The following NELL1 variants were observed in gnomAD, a reference collection of about 807,000 sequenced individuals.
NELL1 encodes the protein protein kinase C-binding protein NELL1.
NELL1 carries 76 observed loss-of-function variants against 107.4 expected under a neutral mutation model. The ratio of observed to expected loss-of-function variants is 0.71; its 90% CI spans 0.59 to 0.86. NELL1 has a LOEUF of 0.86. Ranked by LOEUF, NELL1 falls within the 40% of genes least tolerant of loss-of-function variation. The pLI is 0.00. For synonymous variants in NELL1, 353 were observed against 341.2 expected, an observed-to-expected ratio of 1.03 and a Z score of -0.38; for missense variants, 1,024 against 1,005.5, an observed-to-expected ratio of 1.02 and a Z score of -0.25.
At chr11:21,076,720 C>T (rs1343089975) in intron 12 of NELL1, among the ~76,000 whole-genome samples, 1 of 152,174 alleles carries the variant, frequency 6.6e-6, no homozygotes, top group African/African-American at 2.4e-5. Context: ...GCAGATAGCG[C>T]ATGAATGCCT....
At chr11:21,003,544 C>T (rs1415632722) in intron 12 of NELL1, among the ~76,000 whole-genome samples, 1 of 152,104 alleles carries the variant, frequency 6.6e-6, no homozygotes, top group Admixed American at 6.6e-5. Flanking sequence ...AAAAAAATGT[C>T]TTGCCCATAG....
intron 16 of NELL1, among the ~76,000 whole-genome samples, chr11:21,546,040 G>A (rs1322523457): frequency 1.3e-5 from 2 of 152,004 alleles, no homozygotes; most frequent in Non-Finnish European, 2.9e-5. Flanking sequence ...CTGTATGCAA[G>A]CTTGTGTATA....
chr11:21,076,268 A>G (rs1467092521), intron 12 of NELL1, among the ~76,000 whole-genome samples: 1 of 152,224 alleles, frequency 6.6e-6, no homozygotes, highest in Non-Finnish European at 1.5e-5. Context: ...TTCTAGGTGG[A>G]TGGAGTCAGG....
intron 13 of NELL1, among the ~76,000 whole-genome samples, chr11:21,216,420 T>C (rs1302056390): frequency 6.6e-6 from 1 of 152,118 alleles, no homozygotes; most frequent in Admixed American, 6.5e-5. Context: ...GATCCCAGAA[T>C]GGTAGATCCA....
intron 12 of NELL1, among the ~76,000 whole-genome samples, chr11:20,970,617 T>C (rs1232997658): frequency 6.6e-6 from 1 of 152,176 alleles, no homozygotes; most frequent in Non-Finnish European, 1.5e-5. Flanking sequence ...TAAGATGTTC[T>C]GCAAGAAGAG....
intron 2 of NELL1, among the ~76,000 whole-genome samples, chr11:20,748,448 G>A (rs912563445): frequency 1.9e-4 from 29 of 152,070 alleles, no homozygotes; most frequent in African/African-American, 6.5e-4. Context: ...GTAGTTTTTG[G>A]TTACGTGGAT....
intron 16 of NELL1, among the ~76,000 whole-genome samples, chr11:21,540,081 G>A (rs1270843224): frequency 6.6e-6 from 1 of 151,914 alleles, no homozygotes; most frequent in African/African-American, 2.4e-5. Flanking sequence ...CATATTTATG[G>A]GGTATATGTG....
intron 15 of NELL1, among the ~76,000 whole-genome samples, chr11:21,498,473 GATAC>G (rs1388528848): frequency 1.3e-5 from 2 of 150,568 alleles, no homozygotes; most frequent in African/African-American, 4.9e-5. Context: ...GACACATATT[GATAC>G]ATACATAGTT....
At chr11:21,260,760 A>G (rs1848511748) in intron 14 of NELL1, 1 of 151,916 alleles carries the variant, frequency 6.6e-6, no homozygotes, top group African/African-American at 2.4e-5. Context: ...ACTGAAGAAG[A>G]ATAAATTTTA....
At chr11:21,109,046 A>T (rs1855040964) in intron 12 of NELL1, among the ~76,000 whole-genome samples, 1 of 152,036 alleles carries the variant, frequency 6.6e-6, no homozygotes, top group Non-Finnish European at 1.5e-5. Flanking sequence ...TTGGATCCAG[A>T]CCCAGGTTTC....
chr11:21,008,714 G>A lies in NELL1; in HGVS notation c.1300+48154G>A, dbSNP rs538423415. On this transcript the variant is annotated intron_variant, in intron 12 of 19. Coordinates refer to ENST00000357134, the MANE Select transcript of NELL1 (RefSeq NM_006157.5). ...CATGTATCCCAGGCAAGAATGAGGG[G>A]CAGGTGAAGTCCAGAGGTTTCTCTG... 2.0e-5 allele frequency among the ~76,000 whole-genome samples: 3 copies of A among 152,204 alleles called. No individual in the cohort carries two copies. The South Asian group carries it at 6.2e-4, about 32-fold the overall frequency.
chr11:21,041,006 T>C lies in NELL1; in HGVS notation c.1301-72583T>C, dbSNP rs1853215576. On this transcript the variant is annotated intron_variant, in intron 12 of 19. Coordinates refer to ENST00000357134, the MANE Select transcript of NELL1 (RefSeq NM_006157.5). ...CAGCTTTCCTTTGTCAACTTTCTCC[T>C]ATTTTATAAATATCTTTAATACATT... Among the ~76,000 whole-genome samples, 7 of 152,234 alleles carry C rather than the reference T, an allele frequency of 4.6e-5. No individual in the cohort carries two copies. The South Asian group carries it at 1.4e-3, about 31-fold the overall frequency.
chr11:21,081,020 A>G (rs1168832996), intron 12 of NELL1, among the ~76,000 whole-genome samples: 2 of 151,930 alleles, frequency 1.3e-5, no homozygotes, highest in East Asian at 3.9e-4. Context: ...TCCCATCCAT[A>G]TGACCTTTCA....
intron 12 of NELL1, among the ~76,000 whole-genome samples, chr11:20,983,237 C>T (rs1452703576): frequency 6.6e-6 from 1 of 152,152 alleles, no homozygotes; most frequent in African/African-American, 2.4e-5. Context: ...ATATGTCACT[C>T]TGGAATTTGT....
intron 15 of NELL1, among the ~76,000 whole-genome samples, chr11:21,454,797 C>T (rs1853683293): frequency 6.6e-6 from 1 of 152,212 alleles, no homozygotes; most frequent in Non-Finnish European, 1.5e-5. Context: ...CATTGTTCCT[C>T]TTCTTAAAGG....
At chr11:21,328,456 G>A (rs937395871) in intron 14 of NELL1, among the ~76,000 whole-genome samples, 24 of 152,178 alleles carry the variant, frequency 1.6e-4, no homozygotes, top group African/African-American at 5.6e-4. Context: ...GAAGTATGCT[G>A]TAGGGGTAGA....
At chr11:20,977,151 C>G (rs1291164703) in intron 12 of NELL1, among the ~76,000 whole-genome samples, 1 of 151,854 alleles carries the variant, frequency 6.6e-6, no homozygotes, top group Non-Finnish European at 1.5e-5. Flanking sequence ...TCCTTAGTAT[C>G]CTATAAACTC....
At chr11:20,723,030 C>T (rs1005002815) in intron 2 of NELL1, among the ~76,000 whole-genome samples, 52 of 152,150 alleles carry the variant, frequency 3.4e-4, no homozygotes, top group Admixed American at 1.3e-4. Flanking sequence ...AGAACTCACT[C>T]ATTATCATGA....
chr11:20,973,849 C>T (rs1008947372), intron 12 of NELL1, among the ~76,000 whole-genome samples: 7 of 152,130 alleles, frequency 4.6e-5, no homozygotes, highest in East Asian at 1.9e-4. Context: ...CTGCTACTGC[C>T]GAATGCTGAA....
Sources: allele counts gnomAD v4.1 joint callset (sites outside exome capture counted in the v4.1 genomes callset), GRCh38; gene constraint gnomAD v4.1.1; transcripts MANE v1.5; gene names NCBI Gene and HGNC (gene_info 2026-07-23, HGNC 2026-07-21).